Variants in CNOT1 observed in about 807,000 individuals in gnomAD.
CNOT1 encodes the protein CCR4-associated factor 1.
CNOT1 carries 15 observed loss-of-function variants against 273.8 expected under a neutral mutation model. That is an observed-to-expected ratio of 0.05 (90% CI 0.04 to 0.08). The LOEUF (loss-of-function observed/expected upper bound fraction) is 0.08, where lower values mean the gene tolerates loss of function less well. Among genes scored for constraint, CNOT1 ranks in the 10% least tolerant of loss-of-function variants. The probability of loss-of-function intolerance (pLI) is 1.00; values close to 1 mark genes in which losing one functional copy is unlikely to be tolerated. For missense variants in CNOT1, 1,644 were observed against 2,912.2 expected (o/e 0.56, Z 10.02); for synonymous variants, 1,022 against 1,005.5 (o/e 1.02, Z -0.31).
At chr16:58,567,147 A>G (rs1177783008) in intron 16 of CNOT1, among the ~76,000 whole-genome samples, 1 of 152,004 alleles carries the variant, frequency 6.6e-6, no homozygotes, top group East Asian at 1.9e-4. Flanking sequence ...ACAACAACAC[A>G]GTAAGACCTC....
At position 58,532,241 on chromosome 16, in the gene CNOT1, G is replaced by T. The variant is rs992575191; in HGVS notation, c.6050C>A (p.Thr2017Lys). 8 of 1,613,884 alleles carry T rather than the reference G, an allele frequency of 5.0e-6. No homozygotes were observed. The highest frequency in any genetic ancestry group is 1.7e-5 in the Admixed American group (1 of 59,992). Reference sequence around the variant, plus strand: ...CAAACACAATACTCACCAGAAAGCTGTAAGTGTCTGGAAATTAATGGTTTC... The same window carrying T: ...CAAACACAATACTCACCAGAAAGCTTTAAGTGTCTGGAAATTAATGGTTTC... ...VLETINFQTL[T>K]AFCNTFHILR... The change falls in exon 41 of 49, where the codon ACA becomes AAA. Residue 2017 changes from threonine (T) to lysine (K), a missense_variant. Around this residue, in one of 13 missense-constraint regions of CNOT1, gnomAD observed 133 missense variants for 328.2 expected, o/e 0.41. Coordinates refer to ENST00000317147, the MANE Select transcript of CNOT1 (RefSeq NM_016284.5).
chr16:58,521,303 C>A lies in CNOT1; in HGVS notation c.6932G>T (p.Arg2311Leu). Reference sequence around the variant, plus strand: ...AGGATGTGGCCTATTTACAATCAACCGTTCCAAGAGAACTCTGGAAAAAGG... The same window carrying A: ...AGGATGTGGCCTATTTACAATCAACAGTTCCAAGAGAACTCTGGAAAAAGG... ...QEQITRVLLE[R>L]LIVNRPHPWG... Residue 2311 changes from arginine to leucine, a missense_variant, in exon 48 of 49, where the codon CGG becomes CTG. By Grantham distance (102) the Arg-to-Leu change is moderately radical. Around this residue, in one of 13 missense-constraint regions of CNOT1, gnomAD observed 140 missense variants for 324.6 expected, o/e 0.43. Transcript: ENST00000317147. 1 of 1,610,330 alleles carries A rather than the reference C, an allele frequency of 6.2e-7. No individual in the cohort carries two copies. Among genetic ancestry groups the A allele is most frequent in the Non-Finnish European group, 8.5e-7 (1 of 1,179,176 alleles).
At chr16:58,582,763 A>C in intron 10 of CNOT1, 30 bp downstream of exon 10, 14 of 1,225,760 alleles carry the variant, frequency 1.1e-5, no homozygotes, top group Non-Finnish European at 1.7e-5. Context: ...CAAATACCAC[A>C]AATCAAAAAT....
At chr16:58,552,575 T>A (rs2040488225) in intron 22 of CNOT1, among the ~76,000 whole-genome samples, 1 of 152,172 alleles carries the variant, frequency 6.6e-6, no homozygotes, top group Non-Finnish European at 1.5e-5. Context: ...TTTGTCTCAA[T>A]CCACTCACTT....
At position 58,620,725 on chromosome 16, in the gene CNOT1, A is replaced by G. The variant is rs2043280681; in HGVS notation, c.-175+9003T>C. 2.2e-5 allele frequency among the ~76,000 whole-genome samples: 3 copies of G among 138,000 alleles called. No individual in the cohort carries two copies. In the South Asian group the frequency reaches 7.4e-4, roughly 34 times the overall value. 90.5% of individuals were successfully genotyped at this position (138,000 alleles called of 152,430 possible). A position where few individuals can be genotyped will look rare whatever the true frequency, so the allele number is the denominator to read the frequency against. On this transcript the variant is annotated intron_variant, in intron 1 of 48. Coordinates refer to ENST00000317147, the MANE Select transcript of CNOT1 (RefSeq NM_016284.5). ...ACCACTGCTTAACAGTCTTTTGACTATAATACAACACAGTAGTACCACAGG... is the reference window on the plus strand; with the variant it reads ...ACCACTGCTTAACAGTCTTTTGACTGTAATACAACACAGTAGTACCACAGG...
chr16:58,520,878 G>A lies in CNOT1; in HGVS notation c.*80C>T, dbSNP rs2039343256. 2 of 1,436,562 alleles carry A rather than the reference G, an allele frequency of 1.4e-6. No homozygotes were observed. The highest frequency in any genetic ancestry group is 1.4e-5 in the African/African-American group (1 of 71,590). The allele number at this position is 1,436,562 out of a possible 1,614,324, so 89.0% of individuals were successfully genotyped here. A position where few individuals can be genotyped will look rare whatever the true frequency, so the allele number is the denominator to read the frequency against. ...AGGGCTGGGAAAGTCAGGAAGAGCTGAAAGGATTCTTCAGTCAGTTTATGA... is the reference window on the plus strand; with the variant it reads ...AGGGCTGGGAAAGTCAGGAAGAGCTAAAAGGATTCTTCAGTCAGTTTATGA... On this transcript the variant is annotated 3_prime_UTR_variant, in exon 49 of 49. Coordinates refer to ENST00000317147, the MANE Select transcript of CNOT1 (RefSeq NM_016284.5).
At chr16:58,521,795 T>TA (rs998076946) in intron 47 of CNOT1, among the ~76,000 whole-genome samples, 1 of 151,184 alleles carries the variant, frequency 6.6e-6, no homozygotes, top group African/African-American at 2.4e-5. Flanking sequence ...CTGCTACAAA[T>TA]ATAAAAATTA....
At chr16:58,561,810 C>A (rs752711789) in intron 16 of CNOT1, among the ~76,000 whole-genome samples, 5 of 152,116 alleles carry the variant, frequency 3.3e-5, no homozygotes, top group African/African-American at 1.2e-4. Flanking sequence ...ATACTTCTGA[C>A]CCCAAGCATT....
intron 18 of CNOT1, among the ~76,000 whole-genome samples, chr16:58,557,708 G>C (rs2040679643): frequency 6.6e-6 from 1 of 152,176 alleles, no homozygotes; most frequent in Admixed American, 6.5e-5. Context: ...TGAAAATGTG[G>C]CCAAGCGCAG....
rs9921324 is a variant in CNOT1, at chr16:58,537,822, G to A, written c.5414+69C>T. On this transcript the variant is annotated intron_variant, in intron 38 of 48. Transcript: ENST00000317147. ...TATAACAAGTAATGTTAGTAAGTCT[G>A]CATATTCATTCCTAAAGATATTAGA... 6.6e-4 allele frequency: 1,050 copies of A among 1,579,760 alleles called. 5 individuals are homozygous for A. The African/African-American group carries it at 0.012, about 19-fold the overall frequency.
Position 58,549,918 on chromosome 16 carries a change from T to C in CNOT1, c.3343-20A>G, listed in dbSNP as rs770819962. On this transcript the variant is annotated intron_variant, in intron 24 of 48. Coordinates refer to ENST00000317147, the MANE Select transcript of CNOT1 (RefSeq NM_016284.5). ...TTCAACCTAGCCGGTCAATACGACA[T>C]GGGAAGCACAGAATTACACTATGAT... The C allele has an allele frequency of 6.2e-7, 1 of 1,613,130 alleles. No individual in the cohort carries two copies. Among genetic ancestry groups the C allele is most frequent in the South Asian group, 1.1e-5 (1 of 90,878 alleles).
chr16:58,540,007 G>A (rs367791273), intron 34 of CNOT1, 48 bp from the exon 35 acceptor site: 124 of 1,551,368 alleles, frequency 8.0e-5, no homozygotes, highest in Non-Finnish European at 1.1e-4. Flanking sequence ...GAATGTTAAG[G>A]TTTTTTATTG....
intron 1 of CNOT1, among the ~76,000 whole-genome samples, chr16:58,621,651 G>A (rs1372508267): frequency 1.3e-5 from 2 of 149,958 alleles, no homozygotes; most frequent in Admixed American, 1.3e-4. Context: ...GGGCATGGTG[G>A]CTCACACCTG....
chr16:58,587,664 C>G, intron 4 of CNOT1, 116 bp downstream of exon 4: 2 of 1,265,258 alleles, frequency 1.6e-6, no homozygotes, highest in South Asian at 3.1e-5. Flanking sequence ...AAAGACACCC[C>G]AAAATAACAA....
intron 1 of CNOT1, among the ~76,000 whole-genome samples, chr16:58,603,408 A>AGTGTGTGTGTGTGTGTGTGT (rs200088613): frequency 1.0e-5 from 1 of 96,652 alleles, no homozygotes; most frequent in Admixed American, 1.1e-4. Context: ...ACAATTTAAA[A>AGTGTGTGTGTGTGTGTGTGT]GTGTGTGTGT....
intron 46 of CNOT1, among the ~76,000 whole-genome samples, chr16:58,524,127 G>A (rs2151891633): frequency 6.6e-6 from 1 of 151,568 alleles, no homozygotes; most frequent in South Asian, 2.1e-4. Context: ...GCGTGTGCCT[G>A]TAATCCCAGC....
intron 16 of CNOT1, among the ~76,000 whole-genome samples, chr16:58,573,796 T>G (rs1181107529): frequency 1.3e-5 from 2 of 152,004 alleles, no homozygotes; most frequent in Admixed American, 6.6e-5. Flanking sequence ...TAGCTGATCT[T>G]AAACTTTTTA....
intron 7 of CNOT1, among the ~76,000 whole-genome samples, chr16:58,586,108 C>T (rs540240858): frequency 3.4e-5 from 5 of 148,318 alleles, no homozygotes; most frequent in East Asian, 4.0e-4. Context: ...CAAAAGTGAC[C>T]GATTTTTTAA....
At chr16:58,620,478 T>A (rs767465514) in intron 1 of CNOT1, among the ~76,000 whole-genome samples, 1 of 151,780 alleles carries the variant, frequency 6.6e-6, no homozygotes, top group African/African-American at 2.4e-5. Context: ...CCATCTCTAC[T>A]AAAAATGCAA....
Sources: allele counts gnomAD v4.1 joint callset (sites outside exome capture counted in the v4.1 genomes callset), GRCh38; gene constraint gnomAD v4.1.1; regional missense constraint gnomAD v4.1.1; transcripts MANE v1.5; gene names NCBI Gene and HGNC (gene_info 2026-07-23, HGNC 2026-07-21).